Variants in PHACTR2 observed in about 807,000 individuals in gnomAD.
The protein encoded by PHACTR2 is phosphatase and actin regulator 2, also known as chromosome 6 open reading frame 56.
In PHACTR2, 30 loss-of-function variants were observed where a neutral mutation model predicts 76.0. The observed-to-expected ratio is 0.39, with a 90% confidence interval of 0.30 to 0.54. The LOEUF (loss-of-function observed/expected upper bound fraction) is 0.54, where lower values mean the gene tolerates loss of function less well. Ranked by LOEUF, PHACTR2 falls within the 20% of genes least tolerant of loss-of-function variation. PHACTR2 has a pLI of 0.61. For missense variants in PHACTR2, 696 were observed against 781.1 expected, an observed-to-expected ratio of 0.89 and a Z score of 1.30; for synonymous variants, 292 against 292.5, an observed-to-expected ratio of 1.00 and a Z score of 0.02.
At chr6:143,606,139 A>G (rs534049917), upstream of PHACTR2, among the ~76,000 whole-genome samples, 9 of 152,318 alleles carry the variant, frequency 5.9e-5, no homozygotes, top group African/African-American at 2.2e-4. Flanking sequence ...TAGAACCTAT[A>G]ATATTAAACA....
Position 143,738,089 on chromosome 6 carries a change from C to G in PHACTR2, c.215-10896C>G, listed in dbSNP as rs1582826736. 1.3e-5 allele frequency among the ~76,000 whole-genome samples: 2 copies of G among 152,152 alleles called. No individual in the cohort carries two copies. Among genetic ancestry groups the G allele is most frequent in the East Asian group, 3.9e-4 (2 of 5,194 alleles). The stretch of plus-strand genomic sequence containing the variant: ...GTTTTAATATGTATTGTTCATGGCT[C>G]AACTCAATAAAAAATAGGCTTTTAA... On this transcript the variant is annotated intron_variant, in intron 2 of 12. Transcript: ENST00000440869. This position sits in a 1 kb window ranked among gnomAD's most constrained non-coding sequence, Gnocchi z 4.0.
chr6:143,632,985 A>T (rs997119139), intron 1 of PHACTR2, among the ~76,000 whole-genome samples: 30 of 152,268 alleles, frequency 2.0e-4, no homozygotes, highest in African/African-American at 6.5e-4. Context: ...TGGACATACC[A>T]CATTTTATTT....
In PHACTR2 at chr6:143,733,199, A is replaced by G. The variant is rs1562286456; in HGVS notation, c.215-15786A>G. ...GATGTGAGCCACCATGCCTAGCCTGATTCCTCCTCTTTTTCTACCTTACTT... is the reference window on the plus strand; with the variant it reads ...GATGTGAGCCACCATGCCTAGCCTGGTTCCTCCTCTTTTTCTACCTTACTT... On this transcript the variant is annotated intron_variant, in intron 2 of 12. Transcript: ENST00000440869. The surrounding 1 kb of genome is among the most constrained non-coding windows in gnomAD (Gnocchi z 4.0). 6.6e-6 allele frequency among the ~76,000 whole-genome samples: 1 copy of G among 152,124 alleles called. No homozygotes were observed. The highest frequency in any genetic ancestry group is 1.5e-5 in the Non-Finnish European group (1 of 68,020).
intron 9 of PHACTR2, among the ~76,000 whole-genome samples, chr6:143,781,611 T>C (rs1047166334): frequency 1.3e-5 from 2 of 152,240 alleles, no homozygotes; most frequent in Admixed American, 6.5e-5. Context: ...CGTGTCACCT[T>C]GTAAAGCTCT....
At chr6:143,551,845 C>T (rs1775099632) in intron 1 of PHACTR2, among the ~76,000 whole-genome samples, 1 of 152,150 alleles carries the variant, frequency 6.6e-6, no homozygotes, top group African/African-American at 2.4e-5. Flanking sequence ...GGAGGCTAAG[C>T]TCTAAATGGA....
rs1186413253 is a variant in PHACTR2, at chr6:143,753,014, C to G, written c.296-740C>G. On this transcript the variant is annotated intron_variant, in intron 3 of 12. Transcript: ENST00000440869. This position sits in a 1 kb window ranked among gnomAD's most constrained non-coding sequence, Gnocchi z 4.6. ...GATTTAGATCTCTCAACATTGTATCCATTATGGTTTTTTAAAATTCCTTTG... is the reference window on the plus strand; with the variant it reads ...GATTTAGATCTCTCAACATTGTATCGATTATGGTTTTTTAAAATTCCTTTG... Among the ~76,000 whole-genome samples the G allele has an allele frequency of 6.6e-6, 1 of 151,316 alleles. No homozygotes were observed. Among genetic ancestry groups the G allele is most frequent in the Non-Finnish European group, 1.5e-5 (1 of 67,858 alleles).
chr6:143,797,626 C>T (rs1368694897), intron 11 of PHACTR2, among the ~76,000 whole-genome samples: 1 of 152,184 alleles, frequency 6.6e-6, no homozygotes, highest in Non-Finnish European at 1.5e-5. Context: ...CAGTTTTCTG[C>T]ATATGGCCAG....
rs114427445 is a variant in PHACTR2 at position 143,595,610 on chromosome 6, A to G, written c.217+58403A>G. Among the ~76,000 whole-genome samples the G allele has an allele frequency of 9.4e-3, 1,435 of 152,326 alleles. 22 individuals carry two copies. The highest frequency in any genetic ancestry group is 0.032 in the African/African-American group (1,330 of 41,566). Reference sequence around the variant, plus strand: ...GTTCCATGCCATGTATTTTATTTCAATAGCCACATTTTAGATGACAAATTT... The same window carrying G: ...GTTCCATGCCATGTATTTTATTTCAGTAGCCACATTTTAGATGACAAATTT... On this transcript the variant is annotated intron_variant, in intron 1 of 11. Coordinates refer to the PHACTR2 transcript ENST00000367584. This position sits in a 1 kb window ranked among gnomAD's most constrained non-coding sequence, Gnocchi z 4.2.
chr6:143,607,353 G>A (rs866490705), upstream of PHACTR2, among the ~76,000 whole-genome samples: 1 of 152,188 alleles, frequency 6.6e-6, no homozygotes, highest in Non-Finnish European at 1.5e-5. Context: ...CTCCAGCACT[G>A]TGTTCACCCT....
intron 9 of PHACTR2, among the ~76,000 whole-genome samples, chr6:143,779,787 G>C (rs1271291877): frequency 2.0e-5 from 3 of 151,762 alleles, no homozygotes; most frequent in Non-Finnish European, 4.4e-5. Context: ...GGTGACCACA[G>C]GACAAATTAT....
intron 1 of PHACTR2, among the ~76,000 whole-genome samples, chr6:143,701,739 A>G (rs1447293609): frequency 6.6e-6 from 1 of 152,150 alleles, no homozygotes; most frequent in African/African-American, 2.4e-5. Context: ...ACTAATAGCA[A>G]CTACTTCGCA....
At position 143,783,053 on chromosome 6, in the gene PHACTR2, A is replaced by G. The variant is rs1308803976; in HGVS notation, c.1646-166A>G. On this transcript the variant is annotated intron_variant, in intron 9 of 12. Transcript: ENST00000440869. This position sits in a 1 kb window ranked among gnomAD's most constrained non-coding sequence, Gnocchi z 5.2. Reference sequence around the variant, plus strand: ...TGTGTGTGTATGTGTGTGTGTGTGTAAGATGATCAACCTTCCTACAAAATA... The same window carrying G: ...TGTGTGTGTATGTGTGTGTGTGTGTGAGATGATCAACCTTCCTACAAAATA... Among the ~76,000 whole-genome samples, 2 of 129,442 alleles carry G rather than the reference A, an allele frequency of 1.5e-5. No homozygotes were observed. Among genetic ancestry groups the G allele is most frequent in the East Asian group, 4.4e-4 (2 of 4,572 alleles). 84.9% of individuals were successfully genotyped at this position (129,442 alleles called of 152,430 possible).
rs1047503387 is a variant in PHACTR2 at position 143,780,268 on chromosome 6, C to G, written c.1645+2885C>G. 2.6e-5 allele frequency among the ~76,000 whole-genome samples: 4 copies of G among 152,040 alleles called. No homozygotes were observed. The highest frequency in any genetic ancestry group is 1.5e-5 in the Non-Finnish European group (1 of 68,002). ...CATATCTATGCATCTGTTGATCCAG[C>G]TTTTTTTAATGCACTTTAAGTTTAT... is the stretch of plus-strand genomic sequence containing the variant. On this transcript the variant is annotated intron_variant, in intron 9 of 12. Transcript: ENST00000440869. The surrounding 1 kb of genome is among the most constrained non-coding windows in gnomAD (Gnocchi z 4.4).
At chr6:143,699,721 G>A (rs1049289226) in intron 1 of PHACTR2, among the ~76,000 whole-genome samples, 2 of 152,188 alleles carry the variant, frequency 1.3e-5, no homozygotes, top group Non-Finnish European at 2.9e-5. Flanking sequence ...AGGCCATGGA[G>A]TTCTCAGGCA....
At position 143,678,104 on chromosome 6, in the gene PHACTR2, C is replaced by G; in HGVS notation, c.-60C>G. On this transcript the variant is annotated 5_prime_UTR_variant, in exon 1 of 13. Transcript: ENST00000440869. This position sits in a 1 kb window ranked among gnomAD's most constrained non-coding sequence, Gnocchi z 6.2. Reference sequence around the variant, plus strand: ...CCTGGAAGTCTGGCTGGGAGCGGACCCATGATCGAAGGACCAAAGGAGCCG... The same window carrying G: ...CCTGGAAGTCTGGCTGGGAGCGGACGCATGATCGAAGGACCAAAGGAGCCG... The G allele has an allele frequency of 1.9e-6, 3 of 1,545,160 alleles. No individual in the cohort carries two copies. Among genetic ancestry groups the G allele is most frequent in the Non-Finnish European group, 2.6e-6 (3 of 1,144,566 alleles).
intron 1 of PHACTR2, among the ~76,000 whole-genome samples, chr6:143,542,230 C>T (rs1781177374): frequency 6.6e-6 from 1 of 152,128 alleles, no homozygotes; most frequent in Non-Finnish European, 1.5e-5. Flanking sequence ...TTCCTTCTCC[C>T]CCAGGGAGAG....
rs1401343696 is a variant in PHACTR2, at chr6:143,794,113, A to G, written c.1845+5203A>G. 6.6e-6 allele frequency among the ~76,000 whole-genome samples: 1 copy of G among 151,832 alleles called. No individual in the cohort carries two copies. The highest frequency in any genetic ancestry group is 2.4e-5 in the African/African-American group (1 of 41,396). On this transcript the variant is annotated intron_variant, in intron 11 of 12. Transcript: ENST00000440869. This position sits in a 1 kb window ranked among gnomAD's most constrained non-coding sequence, Gnocchi z 4.1. ...GGTACTTTTAATAATTTCTAAAAAT[A>G]CCATTTACTACCTAACACTGAAAAA...
chr6:143,716,506 C>A (rs897387718), intron 2 of PHACTR2, among the ~76,000 whole-genome samples: 2 of 152,128 alleles, frequency 1.3e-5, no homozygotes, highest in African/African-American at 4.8e-5. Context: ...TTGTACTTTT[C>A]TGCTGTACTT....
intron 1 of PHACTR2, among the ~76,000 whole-genome samples, chr6:143,573,065 C>T (rs767506699): frequency 6.6e-6 from 1 of 152,186 alleles, no homozygotes; most frequent in Non-Finnish European, 1.5e-5. Flanking sequence ...TTCTCATAGA[C>T]CCTTCACTGG....
Sources: allele counts gnomAD v4.1 joint callset (sites outside exome capture counted in the v4.1 genomes callset), GRCh38; gene constraint gnomAD v4.1.1; non-coding constraint Gnocchi (gnomAD v3.1); transcripts MANE v1.5; gene names NCBI Gene and HGNC (gene_info 2026-07-23, HGNC 2026-07-21).